The following TRPM1 variants were observed in gnomAD, a reference collection of about 807,000 sequenced individuals.
The protein encoded by TRPM1 is transient receptor potential cation channel subfamily M member 1.
Under a neutral mutation model 149.4 loss-of-function variants are expected in TRPM1, and 113 were observed. The observed-to-expected ratio is 0.76, with a 90% CI of 0.65 to 0.88. The LOEUF (loss-of-function observed/expected upper bound fraction) is 0.88. Ranked by LOEUF, TRPM1 falls within the 40% of genes least tolerant of loss-of-function variation. TRPM1 has a pLI of 0.00. For synonymous variants in TRPM1, 741 were observed against 759.5 expected (o/e 0.98, Z 0.40); for missense variants, 1,976 against 2,038.7 (o/e 0.97, Z 0.59).
chr15:31,028,625 C>T (rs2032907580), intron 24 of TRPM1, 149 bp from the exon 25 acceptor site: 2 of 1,042,742 alleles, frequency 1.9e-6, no homozygotes, highest in Non-Finnish European at 2.8e-6. Context: ...AAAAAATAAA[C>T]TCTGTAGCCC....
intron 1 of TRPM1, among the ~76,000 whole-genome samples, chr15:31,154,005 C>T (rs2036336235): frequency 6.6e-6 from 1 of 152,154 alleles, no homozygotes; most frequent in East Asian, 1.9e-4. Flanking sequence ...AAAGTGTGTT[C>T]CAAGCATGGG....
chr15:31,101,378 G>A (rs1389578277), intron 1 of TRPM1, among the ~76,000 whole-genome samples: 2 of 152,152 alleles, frequency 1.3e-5, no homozygotes, highest in Non-Finnish European at 2.9e-5. Flanking sequence ...CAGCCTCTTG[G>A]AACCCAGGCT....
intron 20 of TRPM1, among the ~76,000 whole-genome samples, chr15:31,036,134 C>T (rs938088583): frequency 6.6e-6 from 1 of 152,060 alleles, no homozygotes; most frequent in Non-Finnish European, 1.5e-5. Flanking sequence ...CCCAGATATG[C>T]GAGCTGACCC....
intron 21 of TRPM1, among the ~76,000 whole-genome samples, chr15:31,034,824 C>A (rs1353924789): frequency 6.6e-6 from 1 of 152,212 alleles, no homozygotes; most frequent in African/African-American, 2.4e-5. Flanking sequence ...TCGCTGGCAG[C>A]ATTTGCTGAT....
rs201366253 is a variant in TRPM1, at chr15:31,028,316, C to T, written c.3293+16G>A. On this transcript the variant is annotated intron_variant, in intron 25 of 27. Transcript: ENST00000256552. ...TAATAAATAATAAGCATGTGGTCAT[C>T]GGCTGTGACACGTACTTGAACACAG... The T allele has an allele frequency of 1.7e-4, 276 of 1,613,866 alleles. No individual in the cohort carries two copies. Among genetic ancestry groups the T allele is most frequent in the Non-Finnish European group, 2.1e-4 (243 of 1,179,962 alleles).
intron 1 of TRPM1, among the ~76,000 whole-genome samples, chr15:31,100,824 G>A (rs1411800893): frequency 6.6e-6 from 1 of 152,186 alleles, no homozygotes; most frequent in Non-Finnish European, 1.5e-5. Context: ...GATGTGTCCA[G>A]CCCTCTGCTT....
intron 27 of TRPM1, among the ~76,000 whole-genome samples, chr15:31,023,148 C>T (rs1326796020): frequency 1.3e-5 from 2 of 152,208 alleles, no homozygotes; most frequent in Non-Finnish European, 2.9e-5. Context: ...GCCTGAGGGT[C>T]CTGACCTAGT....
intron 1 of TRPM1, among the ~76,000 whole-genome samples, chr15:31,116,567 A>G (rs1204736060): frequency 6.6e-6 from 1 of 151,924 alleles, no homozygotes; most frequent in Non-Finnish European, 1.5e-5. Flanking sequence ...ATGCCACTGC[A>G]CTCCAGCCTG....
intron 1 of TRPM1, among the ~76,000 whole-genome samples, chr15:31,088,807 G>GGT (rs1555427577): frequency 6.6e-6 from 1 of 151,884 alleles, no homozygotes; most frequent in Non-Finnish European, 1.5e-5. Flanking sequence ...TCTGCTGGGG[G>GGT]GATGCGTCAG....
Position 31,002,003 on chromosome 15 carries a change from C to G in TRPM1, c.4697G>C (p.Gly1566Ala). The change falls in exon 28 of 28, where the codon GGA becomes GCA. Residue 1566 changes from glycine to alanine, a missense_variant. Gly to Ala is a moderately conservative substitution (Grantham distance 60). Coordinates refer to ENST00000256552, the MANE Select transcript of TRPM1 (RefSeq NM_001252024.2). The part of the protein sequence containing the change: ...LLSVKPDQTL[G>A]FPSLRSKSLH... Reference sequence around the variant, plus strand: ...ACTTTTTGACCTGAGAGATGGGAATCCCAAAGTTTGATCTGGCTTCACAGA... The same window carrying G: ...ACTTTTTGACCTGAGAGATGGGAATGCCAAAGTTTGATCTGGCTTCACAGA... 6.2e-7 allele frequency: 1 copy of G among 1,614,174 alleles called. No individual in the cohort carries two copies. The highest frequency in any genetic ancestry group is 8.5e-7 in the Non-Finnish European group (1 of 1,180,024).
chr15:31,157,301 A>C (rs993963487), intron 1 of TRPM1, among the ~76,000 whole-genome samples: 4 of 152,174 alleles, frequency 2.6e-5, no homozygotes, highest in African/African-American at 9.7e-5. Context: ...AGTGCTGTGT[A>C]GTATTTCATT....
At chr15:31,121,223 C>CAAAAAAAAAAAAAAAAAA (rs71420549) in intron 1 of TRPM1, among the ~76,000 whole-genome samples, 1 of 59,382 alleles carries the variant, frequency 1.7e-5, no homozygotes, top group African/African-American at 6.6e-5. Flanking sequence ...GACTCCATCT[C>CAAAAAAAAAAAAAAAAAA]AAAAAAAAAA....
chr15:31,133,076 C>G (rs1322197026), intron 1 of TRPM1, among the ~76,000 whole-genome samples: 1 of 152,236 alleles, frequency 6.6e-6, no homozygotes, highest in Non-Finnish European at 1.5e-5. Flanking sequence ...CATGAATCCT[C>G]TTCAGACAGT....
At chr15:31,107,784 C>G (rs753585494) in intron 1 of TRPM1, among the ~76,000 whole-genome samples, 2 of 151,256 alleles carry the variant, frequency 1.3e-5, no homozygotes, top group Admixed American at 6.6e-5. Context: ...TTTCTTGTGA[C>G]TTTTTTAGCC....
rs1181139802 is a variant in TRPM1, at chr15:31,050,514, G to C, written c.1332C>G (p.Ala444=). ...CTTTTCCTCTTCCTCCCTTGGTGGT[G>C]GCCATGGGTGGCTTCTTCTCCTTCT... ...ATEKEKKPPM[A]TTKGGRGKGK... Residue 444 remains alanine, a synonymous_variant, in exon 12 of 28, where the codon GCC becomes GCG. Coordinates refer to ENST00000256552, the MANE Select transcript of TRPM1 (RefSeq NM_001252024.2). 1 of 1,613,926 alleles carries C rather than the reference G, an allele frequency of 6.2e-7. No individual in the cohort carries two copies. The highest frequency in any genetic ancestry group is 1.3e-5 in the African/African-American group (1 of 74,932).
At chr15:31,093,524 G>C (rs1310638609) in intron 1 of TRPM1, among the ~76,000 whole-genome samples, 1 of 151,996 alleles carries the variant, frequency 6.6e-6, no homozygotes, top group Non-Finnish European at 1.5e-5. Context: ...ATTAAAGAAG[G>C]CATAAATAAA....
upstream of TRPM1, among the ~76,000 whole-genome samples, chr15:31,105,472 T>TGTGTGTGTGC (rs1555429788): frequency 1.2e-5 from 1 of 83,772 alleles, no homozygotes; most frequent in African/African-American, 5.9e-5. Context: ...TGTGTGTGTG[T>TGTGTGTGTGC]GCGCGCGCGC....
At chr15:31,071,285 C>G (rs1189681953) in intron 3 of TRPM1, among the ~76,000 whole-genome samples, 1 of 152,180 alleles carries the variant, frequency 6.6e-6, no homozygotes, top group Non-Finnish European at 1.5e-5. Context: ...AGGTCTGTTC[C>G]TGGACCCAGC....
intron 1 of TRPM1, among the ~76,000 whole-genome samples, chr15:31,131,922 T>A (rs1431148657): frequency 2.0e-5 from 3 of 151,638 alleles, no homozygotes; most frequent in Non-Finnish European, 4.4e-5. Context: ...TTGGTTAAAA[T>A]GAAAATCGCC....
Sources: allele counts gnomAD v4.1 joint callset (sites outside exome capture counted in the v4.1 genomes callset), GRCh38; gene constraint gnomAD v4.1.1; transcripts MANE v1.5; gene names NCBI Gene and HGNC (gene_info 2026-07-23, HGNC 2026-07-21).